Variants in HMGXB4 observed in about 807,000 individuals in gnomAD.
The protein encoded by HMGXB4 is HMG-box containing 4.
Under a neutral mutation model 63.9 loss-of-function variants are expected in HMGXB4, and 27 were observed. The observed-to-expected ratio is 0.42, with a 90% confidence interval of 0.31 to 0.58. The LOEUF is 0.58. Ranked by LOEUF, HMGXB4 falls within the 20% of genes least tolerant of loss-of-function variation. The probability of loss-of-function intolerance (pLI) is 0.13; values close to 1 mark genes in which losing one functional copy is unlikely to be tolerated. For missense variants in HMGXB4, 624 were observed against 700.7 expected (o/e 0.89, Z 1.24); for synonymous variants, 264 against 265.3 (o/e 0.99, Z 0.05).
chr22:35,258,432 G>C (rs992083371), intron 1 of HMGXB4: 3 of 152,236 alleles, frequency 2.0e-5, no homozygotes, highest in African/African-American at 7.2e-5. Context: ...GATTGGACAA[G>C]GCTTCTCAAA....
chr22:35,261,288 T>C (rs1464619713), intron 1 of HMGXB4, among the ~76,000 whole-genome samples: 1 of 151,846 alleles, frequency 6.6e-6, no homozygotes, highest in East Asian at 1.9e-4. Context: ...ATACAAAAAT[T>C]AGCCAGGCTC....
intron 1 of HMGXB4, chr22:35,258,361 G>A (rs1370918003): frequency 6.6e-6 from 1 of 152,202 alleles, no homozygotes; most frequent in Non-Finnish European, 1.5e-5. Flanking sequence ...TAAGCTGGTG[G>A]CTGATTATAT....
chr22:35,256,246 T>C (rs1428471820), upstream of HMGXB4, among the ~76,000 whole-genome samples: 1 of 152,214 alleles, frequency 6.6e-6, no homozygotes, highest in Non-Finnish European at 1.5e-5. Flanking sequence ...CACCCAACTC[T>C]GCAATGGAAA....
intron 5 of HMGXB4, among the ~76,000 whole-genome samples, chr22:35,273,485 T>C (rs915613261): frequency 1.3e-5 from 2 of 152,270 alleles, no homozygotes; most frequent in Non-Finnish European, 2.9e-5. Context: ...AGGTGGTGCA[T>C]GTAACATGCT....
At chr22:35,269,543 G>A (rs1923473098) in intron 5 of HMGXB4, among the ~76,000 whole-genome samples, 1 of 152,214 alleles carries the variant, frequency 6.6e-6, no homozygotes, top group Non-Finnish European at 1.5e-5. Flanking sequence ...GAATGAATAT[G>A]TGGATGAAAA....
intron 1 of HMGXB4, among the ~76,000 whole-genome samples, chr22:35,258,775 G>A (rs865788301): frequency 2.9e-4 from 44 of 152,218 alleles, no homozygotes; most frequent in African/African-American, 1.0e-3. Context: ...GCACTGACTG[G>A]CATTTTGAGT....
At chr22:35,286,194 A>G in intron 7 of HMGXB4, 133 bp downstream of exon 7, 1 of 658,830 alleles carries the variant, frequency 1.5e-6, no homozygotes, top group South Asian at 1.9e-5. Flanking sequence ...AAAATGGTTT[A>G]GCAGAGGACA....
chr22:35,281,788 T>C (rs1924255653), intron 5 of HMGXB4, among the ~76,000 whole-genome samples: 1 of 152,222 alleles, frequency 6.6e-6, no homozygotes, highest in African/African-American at 2.4e-5. Context: ...ATTAAAATAT[T>C]AGTATGAAAT....
chr22:35,273,690 C>T (rs1923739606), intron 5 of HMGXB4, among the ~76,000 whole-genome samples: 1 of 152,180 alleles, frequency 6.6e-6, no homozygotes. Flanking sequence ...TAACCTCCCA[C>T]CTTTAGGAAC....
At chr22:35,263,045 A>T (rs1346978911) in intron 2 of HMGXB4, 33 bp from the exon 3 acceptor site, 1 of 1,606,542 alleles carries the variant, frequency 6.2e-7, no homozygotes, top group Admixed American at 1.7e-5. Flanking sequence ...TGACTTTCTC[A>T]TTTCCTTTCC....
At chr22:35,253,947 T>C (rs982742422), upstream of HMGXB4, among the ~76,000 whole-genome samples, 4 of 152,206 alleles carry the variant, frequency 2.6e-5, 1 homozygote, top group South Asian at 4.1e-4. Flanking sequence ...CCTCTGCCTG[T>C]CTCTTAAGGT....
At chr22:35,285,546 AAAAAAAG>A (rs976160494) in intron 6 of HMGXB4, among the ~76,000 whole-genome samples, 9 of 152,184 alleles carry the variant, frequency 5.9e-5, no homozygotes, top group South Asian at 2.1e-4. Flanking sequence ...CTCCGTCTCA[AAAAAAAG>A]AAAAAAGAAA....
chr22:35,262,288 G>C, intron 1 of HMGXB4, 35 bp from the exon 2 acceptor site: 7 of 1,176,352 alleles, frequency 6.0e-6, no homozygotes, highest in Non-Finnish European at 8.9e-6. Flanking sequence ...CAGTGATTTC[G>C]CATTACAGGA....
At chr22:35,270,949 C>T (rs1171156295) in intron 5 of HMGXB4, among the ~76,000 whole-genome samples, 1 of 152,046 alleles carries the variant, frequency 6.6e-6, no homozygotes, top group Non-Finnish European at 1.5e-5. Context: ...TTTTGTTTCA[C>T]TGTAAAAAAG....
chr22:35,276,835 A>G (rs1042586280), intron 5 of HMGXB4, among the ~76,000 whole-genome samples: 8 of 152,200 alleles, frequency 5.3e-5, no homozygotes, highest in Admixed American at 3.9e-4. Context: ...TCAATGAAAA[A>G]CTTTAAAATA....
At chr22:35,290,640 A>G (rs1924877259) in intron 9 of HMGXB4, among the ~76,000 whole-genome samples, 1 of 150,950 alleles carries the variant, frequency 6.6e-6, no homozygotes, top group East Asian at 1.9e-4. Context: ...CAAAAAAAAA[A>G]AAAAAAAAAA....
At chr22:35,247,620 G>A in the HMGXB4 span, among the ~76,000 whole-genome samples, 321 of 151,554 alleles carry the variant, frequency 2.1e-3, 4 homozygotes, top group Non-Finnish European at 8.8e-5. Context: ...AAACTGTTCT[G>A]GAAACTCTCC....
At chr22:35,270,910 A>G (rs1923563788) in intron 5 of HMGXB4, among the ~76,000 whole-genome samples, 1 of 152,192 alleles carries the variant, frequency 6.6e-6, no homozygotes, top group Non-Finnish European at 1.5e-5. Context: ...AAATTCCTAT[A>G]AAGCTTTTTA....
chr22:35,267,666 C>A (rs2146409105), intron 5 of HMGXB4, among the ~76,000 whole-genome samples: 1 of 150,668 alleles, frequency 6.6e-6, no homozygotes, highest in East Asian at 1.9e-4. Flanking sequence ...CCAGTCAACC[C>A]AAACTCAAAA....
Sources: allele counts gnomAD v4.1 joint callset (sites outside exome capture counted in the v4.1 genomes callset), GRCh38; gene constraint gnomAD v4.1.1; transcripts MANE v1.5; gene names NCBI Gene and HGNC (gene_info 2026-07-23, HGNC 2026-07-21).